MACROD2: variants seen among roughly 807,000 people sequenced by gnomAD.
The protein encoded by MACROD2 is ADP-ribose glycohydrolase MACROD2.
In MACROD2, 36 loss-of-function variants were observed where a neutral mutation model predicts 70.4. The observed-to-expected ratio is 0.51, with a 90% CI of 0.39 to 0.68. The LOEUF (loss-of-function observed/expected upper bound fraction) is 0.68. Among genes scored for constraint, MACROD2 ranks in the 30% least tolerant of loss-of-function variants. MACROD2 has a pLI of 0.00. For synonymous variants in MACROD2, 172 were observed against 178.8 expected (o/e 0.96, Z 0.30); for missense variants, 496 against 538.4 (o/e 0.92, Z 0.78).
At chr20:14,692,999 C>CTGGCTG (rs2071081295) in intron 5 of MACROD2, among the ~76,000 whole-genome samples, 1 of 152,194 alleles carries the variant, frequency 6.6e-6, no homozygotes, top group Non-Finnish European at 1.5e-5. Context: ...TAGAATTAAA[C>CTGGCTG]AGCTGTGTTT....
intron 6 of MACROD2, among the ~76,000 whole-genome samples, chr20:15,311,690 A>G (rs2146148168): frequency 6.6e-6 from 1 of 152,296 alleles, no homozygotes; most frequent in Non-Finnish European, 1.5e-5. Flanking sequence ...GTTACAGAAA[A>G]CCAAATACTG....
chr20:14,110,127 G>A (rs566479988), intron 3 of MACROD2, among the ~76,000 whole-genome samples: 16 of 151,802 alleles, frequency 1.1e-4, no homozygotes, highest in African/African-American at 2.9e-4. Context: ...GACAAAAACC[G>A]TATGATCATT....
intron 3 of MACROD2, among the ~76,000 whole-genome samples, chr20:14,275,240 GC>G (rs2122375787): frequency 6.6e-6 from 1 of 152,216 alleles, no homozygotes; most frequent in Non-Finnish European, 1.5e-5. Context: ...ATACTACAAG[GC>G]TACAGTAACC....
At chr20:14,862,001 ATATT>A (rs1408434827) in intron 5 of MACROD2, among the ~76,000 whole-genome samples, 2 of 36,448 alleles carry the variant, frequency 5.5e-5, no homozygotes, top group Non-Finnish European at 1.0e-4. Context: ...ATTTATATAT[ATATT>A]TATATATATA....
At position 14,502,498 on chromosome 20, in the gene MACROD2, A is replaced by G. The variant is rs116769826; in HGVS notation, c.301+8990A>G. ...AGTTAGGACAAATTTATTGTTTTGT[A>G]TACTAGTTTCCTGTTCTAAAATGAT... On this transcript the variant is annotated intron_variant, in intron 4 of 17. Transcript: ENST00000684519. Among the ~76,000 whole-genome samples, 543 of 152,270 alleles carry G rather than the reference A, an allele frequency of 3.6e-3. 7 individuals carry two copies. Among genetic ancestry groups the G allele is most frequent in the African/African-American group, 0.012 (510 of 41,550 alleles).
At chr20:15,028,751 G>C (rs1190523500) in intron 5 of MACROD2, among the ~76,000 whole-genome samples, 2 of 152,172 alleles carry the variant, frequency 1.3e-5, no homozygotes, top group Non-Finnish European at 1.5e-5. Flanking sequence ...ACTGGTAAAG[G>C]TGGACAGTCC....
chr20:15,901,651 A>G (rs1400032542), intron 10 of MACROD2, among the ~76,000 whole-genome samples: 1 of 152,222 alleles, frequency 6.6e-6, no homozygotes, highest in African/African-American at 2.4e-5. Context: ...GTTTATCAGG[A>G]CATAGCCCCA....
chr20:15,599,214 T>C (rs2048785608), intron 8 of MACROD2, among the ~76,000 whole-genome samples: 1 of 150,272 alleles, frequency 6.7e-6, no homozygotes, highest in Non-Finnish European at 1.5e-5. Context: ...ACCCTGTCTC[T>C]ACTAAAATAC....
intron 3 of MACROD2, among the ~76,000 whole-genome samples, chr20:14,153,388 C>G (rs1050080168): frequency 9.2e-5 from 14 of 152,156 alleles, no homozygotes; most frequent in Non-Finnish European, 1.0e-4. Context: ...TGTAAAGAAA[C>G]AGTGGAAAGA....
At chr20:15,650,229 T>C (rs2049622718) in intron 8 of MACROD2, among the ~76,000 whole-genome samples, 1 of 152,118 alleles carries the variant, frequency 6.6e-6, no homozygotes, top group African/African-American at 2.4e-5. Flanking sequence ...TCCAAACAGG[T>C]TTTCTTAAAA....
At chr20:16,023,302 C>T (rs978790755) in intron 15 of MACROD2, among the ~76,000 whole-genome samples, 8 of 151,484 alleles carry the variant, frequency 5.3e-5, no homozygotes, top group African/African-American at 1.5e-4. Flanking sequence ...GGTGAAACCC[C>T]GTCTCTACTA....
chr20:16,025,035 T>G (rs744228), intron 15 of MACROD2, among the ~76,000 whole-genome samples: 6 of 152,104 alleles, frequency 3.9e-5, no homozygotes, highest in Non-Finnish European at 5.9e-5. Context: ...TGAATTGTTA[T>G]CTTGCCGAAG....
At chr20:15,917,151 C>A (rs2065331516) in intron 10 of MACROD2, among the ~76,000 whole-genome samples, 1 of 152,090 alleles carries the variant, frequency 6.6e-6, no homozygotes, top group Non-Finnish European at 1.5e-5. Context: ...TCCATACCAC[C>A]CAGCCATGGT....
At chr20:15,670,197 A>C (rs1445875421) in intron 8 of MACROD2, among the ~76,000 whole-genome samples, 1 of 152,256 alleles carries the variant, frequency 6.6e-6, no homozygotes, top group Admixed American at 6.5e-5. Context: ...TCGGAAAGCA[A>C]CAGTTAAATA....
intron 7 of MACROD2, among the ~76,000 whole-genome samples, chr20:15,484,413 T>G (rs1423457532): frequency 6.6e-6 from 1 of 152,296 alleles, no homozygotes. Flanking sequence ...CAAGTGTTTC[T>G]TAGGTCCTCC....
intron 8 of MACROD2, among the ~76,000 whole-genome samples, chr20:15,633,805 G>A (rs2146756877): frequency 6.6e-6 from 1 of 152,244 alleles, no homozygotes; most frequent in South Asian, 2.1e-4. Context: ...ACAATTAGAT[G>A]TTTGTCTACA....
At chr20:15,888,445 T>A (rs1275433198) in intron 10 of MACROD2, among the ~76,000 whole-genome samples, 1 of 152,158 alleles carries the variant, frequency 6.6e-6, no homozygotes, top group Admixed American at 6.6e-5. Flanking sequence ...TATAAGGGCC[T>A]TATCTCGCCA....
At chr20:15,167,613 C>T (rs2076394471) in intron 5 of MACROD2, among the ~76,000 whole-genome samples, 1 of 152,092 alleles carries the variant, frequency 6.6e-6, no homozygotes. Context: ...TACATTATAC[C>T]TTCTGAAATT....
At chr20:15,627,011 G>GGA (rs1009325467) in intron 8 of MACROD2, among the ~76,000 whole-genome samples, 44 of 152,220 alleles carry the variant, frequency 2.9e-4, no homozygotes, top group Non-Finnish European at 4.9e-4. Context: ...AGAGAAACAA[G>GGA]GAAACACAGA....
Sources: gnomAD v4.1 joint callset for allele counts (sites outside exome capture counted in the v4.1 genomes callset) on GRCh38, gnomAD v4.1.1 for gene constraint, MANE v1.5 for transcripts, NCBI Gene and HGNC (gene_info 2026-07-23, HGNC 2026-07-21) for gene names.